DIAPH2: variants seen among roughly 807,000 people sequenced by gnomAD.
DIAPH2 encodes the protein protein diaphanous homolog 2.
A neutral mutation model predicts 92.7 loss-of-function variants in DIAPH2; 35 were observed. That is an observed-to-expected ratio of 0.38 (90% CI 0.29 to 0.50). DIAPH2 has a LOEUF of 0.50. Among genes scored for constraint, DIAPH2 ranks in the 20% least tolerant of loss-of-function variants. The pLI, the probability that DIAPH2 is intolerant of heterozygous loss-of-function variation, is 0.94. For missense variants in DIAPH2, 701 were observed against 819.5 expected, an observed-to-expected ratio of 0.86 and a Z score of 1.77; for synonymous variants, 301 against 280.4, an observed-to-expected ratio of 1.07 and a Z score of -0.73.
chrX:96,828,139 A>G (rs1162469650), intron 4 of DIAPH2, among the ~76,000 whole-genome samples: 1 of 111,974 alleles, frequency 8.9e-6, no homozygotes, highest in Non-Finnish European at 1.9e-5. Context: ...GGTCCCAGGA[A>G]TACCCTGGAA....
intron 23 of DIAPH2, among the ~76,000 whole-genome samples, chrX:97,303,654 A>G (rs994627202): frequency 8.9e-6 from 1 of 112,110 alleles, no homozygotes; most frequent in Admixed American, 9.6e-5. Flanking sequence ...GTATGGAGGT[A>G]GTCAAGGGGA....
chrX:97,558,196 A>G (rs1314448220), intron 26 of DIAPH2, among the ~76,000 whole-genome samples: 2 of 112,301 alleles, frequency 1.8e-5, no homozygotes, highest in Non-Finnish European at 3.8e-5. Flanking sequence ...ATGGAAACAA[A>G]GAAACACATT....
At chrX:96,754,826 A>C (rs2064214746) in intron 3 of DIAPH2, among the ~76,000 whole-genome samples, 1 of 100,497 alleles carries the variant, frequency 1.0e-5, no homozygotes, top group Admixed American at 1.1e-4. Context: ...TGGGAGGCTG[A>C]GGCAGGAGAA....
chrX:96,758,592 C>T (rs1013588429), intron 4 of DIAPH2, among the ~76,000 whole-genome samples: 2 of 111,620 alleles, frequency 1.8e-5, no homozygotes, highest in African/African-American at 6.5e-5. Context: ...ATGAAAATTT[C>T]GGATTTTGAA....
At chrX:97,583,893 C>G (rs1326329654) in intron 26 of DIAPH2, among the ~76,000 whole-genome samples, 2 of 112,393 alleles carry the variant, frequency 1.8e-5, no homozygotes, top group African/African-American at 6.5e-5. Flanking sequence ...TTTTTTAAGC[C>G]CTTCGGAAAA....
intron 26 of DIAPH2, among the ~76,000 whole-genome samples, chrX:97,462,707 A>G (rs1316654577): frequency 9.0e-6 from 1 of 111,667 alleles, no homozygotes; most frequent in Non-Finnish European, 1.9e-5. Flanking sequence ...CTCAATGGAT[A>G]TAGAATGATT....
At chrX:97,299,386 G>A (rs942581595) in intron 23 of DIAPH2, among the ~76,000 whole-genome samples, 5 of 111,556 alleles carry the variant, frequency 4.5e-5, no homozygotes, top group African/African-American at 1.6e-4. Flanking sequence ...AGAGTGCTTG[G>A]TAGAAAATGC....
In DIAPH2 at chrX:97,600,667, C is replaced by T. The variant is rs1293198632; in HGVS notation, c.*1350C>T. 9 of 112,054 alleles carry T rather than the reference C, an allele frequency of 8.0e-5. No homozygotes were observed. Among genetic ancestry groups the T allele is most frequent in the Non-Finnish European group, 1.7e-4 (9 of 53,120 alleles). 9.2% of individuals were successfully genotyped at this position (112,054 alleles called of 1,213,427 possible). A position where few individuals can be genotyped will look rare whatever the true frequency, so the allele number is the denominator to read the frequency against. ...AATGTGGTATAACTTCTCTGGAGTGCAATTTTAAGTCTAATTCATGCAGAT... is the reference window on the plus strand; with the variant it reads ...AATGTGGTATAACTTCTCTGGAGTGTAATTTTAAGTCTAATTCATGCAGAT... On this transcript the variant is annotated 3_prime_UTR_variant, in exon 27 of 27. Coordinates refer to ENST00000324765, the MANE Select transcript of DIAPH2 (RefSeq NM_006729.5).
At chrX:97,126,096 G>A (rs2067092641) in intron 21 of DIAPH2, among the ~76,000 whole-genome samples, 3 of 111,772 alleles carry the variant, frequency 2.7e-5, no homozygotes, top group Admixed American at 9.5e-5. Context: ...GACTGATTTT[G>A]TAATTCTCAC....
At chrX:97,287,952 C>CAA (rs748309881) in intron 23 of DIAPH2, among the ~76,000 whole-genome samples, 71 of 39,780 alleles carry the variant, frequency 1.8e-3, no homozygotes, top group African/African-American at 7.2e-3. Context: ...GACTCTGTCT[C>CAA]AAAAAAAAAA....
chrX:97,025,689 A>C (rs778300718), intron 17 of DIAPH2, among the ~76,000 whole-genome samples: 14 of 112,151 alleles, frequency 1.2e-4, no homozygotes, highest in African/African-American at 4.5e-4. Context: ...AAAAAAACAA[A>C]AAAAAAGTTA....
chrX:97,139,937 C>A (rs934781862), intron 21 of DIAPH2, among the ~76,000 whole-genome samples: 1 of 110,251 alleles, frequency 9.1e-6, no homozygotes, highest in African/African-American at 3.3e-5. Flanking sequence ...TAGCCATGTG[C>A]GTTTTATTGT....
At chrX:97,570,108 AT>A (rs2071357205) in intron 26 of DIAPH2, among the ~76,000 whole-genome samples, 7 of 31,651 alleles carry the variant, frequency 2.2e-4, no homozygotes, top group African/African-American at 5.0e-4. Flanking sequence ...ATATATATAT[AT>A]ATATATATAT....
chrX:97,241,338 G>A (rs1380566711), intron 22 of DIAPH2, among the ~76,000 whole-genome samples: 2 of 107,831 alleles, frequency 1.9e-5, no homozygotes, highest in African/African-American at 6.8e-5. Flanking sequence ...TCGCTCTGTC[G>A]CCATGCTGGA....
intron 22 of DIAPH2, among the ~76,000 whole-genome samples, chrX:97,174,028 A>G (rs2067473435): frequency 9.4e-6 from 1 of 106,139 alleles, no homozygotes; most frequent in Admixed American, 1.1e-4. Flanking sequence ...AATAATTTTT[A>G]TTATATAAAA....
chrX:96,888,585 A>ATATATC (rs2065283574), intron 5 of DIAPH2, among the ~76,000 whole-genome samples: 1 of 99,171 alleles, frequency 1.0e-5, no homozygotes, highest in African/African-American at 3.6e-5. Flanking sequence ...ATATATCTAT[A>ATATATC]TATATACAGA....
At chrX:97,573,291 A>T (rs2071381214) in intron 26 of DIAPH2, among the ~76,000 whole-genome samples, 1 of 111,457 alleles carries the variant, frequency 9.0e-6, no homozygotes, top group African/African-American at 3.3e-5. Context: ...GTCCAAAGGG[A>T]CTTGCTACTG....
intron 26 of DIAPH2, among the ~76,000 whole-genome samples, chrX:97,471,512 G>A (rs1468482447): frequency 9.1e-6 from 1 of 109,394 alleles, no homozygotes; most frequent in African/African-American, 3.3e-5. Context: ...CCAACATGGT[G>A]AAACCCCGTC....
In DIAPH2 at chrX:97,315,393, T is replaced by C. The variant is rs759695227; in HGVS notation, c.2845-32723T>C. Among the ~76,000 whole-genome samples the C allele has an allele frequency of 1.5e-4, 17 of 111,945 alleles. No individual in the cohort carries two copies. The South Asian group carries it at 6.4e-3, about 42-fold the overall frequency. ...GGCGTAACAGAGATGCTTTTGTGTT[T>C]TAAGCATTTTTACTGGAGATTAATG... On this transcript the variant is annotated intron_variant, in intron 23 of 26. Coordinates refer to ENST00000324765, the MANE Select transcript of DIAPH2 (RefSeq NM_006729.5).
Sources: allele counts gnomAD v4.1 joint callset (sites outside exome capture counted in the v4.1 genomes callset), GRCh38; gene constraint gnomAD v4.1.1; transcripts MANE v1.5; gene names NCBI Gene and HGNC (gene_info 2026-07-23, HGNC 2026-07-21).